The following CLSTN2 variants were observed in gnomAD, a reference collection of about 807,000 sequenced individuals.
CLSTN2 encodes calsyntenin-2.
Under a neutral mutation model 101.2 loss-of-function variants are expected in CLSTN2, and 48 were observed. The ratio of observed to expected loss-of-function variants is 0.47; its 90% CI spans 0.38 to 0.60. The LOEUF is 0.60. Ranked by LOEUF, CLSTN2 falls within the 20% of genes least tolerant of loss-of-function variation. CLSTN2 has a pLI of 0.00. For missense variants in CLSTN2, 1,160 were observed against 1,238.2 expected, an observed-to-expected ratio of 0.94 and a Z score of 0.95; for synonymous variants, 481 against 463.6, an observed-to-expected ratio of 1.04 and a Z score of -0.48.
At chr3:140,055,280 T>C (rs2008077432) in intron 1 of CLSTN2, among the ~76,000 whole-genome samples, 2 of 152,320 alleles carry the variant, frequency 1.3e-5, no homozygotes, top group Admixed American at 1.3e-4. Flanking sequence ...GGCCTGCCTC[T>C]CCCTTGAGGA....
In CLSTN2 at chr3:140,407,826, T is replaced by G. The variant is rs909010104; in HGVS notation, c.637+3060T>G. On this transcript the variant is annotated intron_variant, in intron 4 of 16. Coordinates refer to ENST00000458420, the MANE Select transcript of CLSTN2 (RefSeq NM_022131.3). ...TAGCCTAATAACACTGTCACAGTGG[T>G]GATAGAGCTAGGACTCAACCCAGGT... 2.6e-5 allele frequency among the ~76,000 whole-genome samples: 4 copies of G among 152,300 alleles called. No individual in the cohort carries two copies. The South Asian group carries it at 8.3e-4, about 32-fold the overall frequency.
chr3:140,390,048 G>T (rs898396032), intron 2 of CLSTN2, among the ~76,000 whole-genome samples: 1 of 149,920 alleles, frequency 6.7e-6, no homozygotes, highest in Admixed American at 6.7e-5. Context: ...ATTCACCAAT[G>T]AAGCCATCTG....
chr3:140,227,697 G>A (rs1319882467), intron 2 of CLSTN2, among the ~76,000 whole-genome samples: 2 of 152,224 alleles, frequency 1.3e-5, no homozygotes, highest in Non-Finnish European at 2.9e-5. Flanking sequence ...TGGGCATCCA[G>A]GTGTTTCCAT....
chr3:140,059,606 C>T (rs947974168), intron 1 of CLSTN2, among the ~76,000 whole-genome samples: 2 of 152,126 alleles, frequency 1.3e-5, no homozygotes, highest in Non-Finnish European at 2.9e-5. Flanking sequence ...GTGGCCCCCT[C>T]TGAGGATGGC....
At chr3:140,476,673 TTC>T (rs554029548) in intron 8 of CLSTN2, among the ~76,000 whole-genome samples, 21,837 of 135,422 alleles carry the variant, frequency 0.16, 1,901 homozygotes, top group East Asian at 0.39. Flanking sequence ...TTTTTTTTTT[TTC>T]CTGATATGGA....
At chr3:140,335,265 G>T (rs970434909) in intron 2 of CLSTN2, among the ~76,000 whole-genome samples, 1 of 152,224 alleles carries the variant, frequency 6.6e-6, no homozygotes, top group African/African-American at 2.4e-5. Flanking sequence ...CCATTTGGTG[G>T]CAGGAAGTGG....
At chr3:140,259,198 T>C (rs891119731) in intron 2 of CLSTN2, among the ~76,000 whole-genome samples, 5 of 149,162 alleles carry the variant, frequency 3.4e-5, no homozygotes, top group African/African-American at 9.9e-5. Flanking sequence ...ACGGGCTGGG[T>C]GCGGTGGCTC....
chr3:140,303,516 T>C (rs1431893427), intron 2 of CLSTN2, among the ~76,000 whole-genome samples: 1 of 152,134 alleles, frequency 6.6e-6, no homozygotes, highest in Non-Finnish European at 1.5e-5. Flanking sequence ...CAGTTTTTTT[T>C]CCAAGCATAA....
chr3:140,140,773 T>G (rs762937601), intron 1 of CLSTN2, among the ~76,000 whole-genome samples: 1 of 152,212 alleles, frequency 6.6e-6, no homozygotes, highest in East Asian at 1.9e-4. Flanking sequence ...AAAGTCAGGA[T>G]TGAACTCAGG....
At chr3:140,304,442 A>G (rs1317414957) in intron 2 of CLSTN2, among the ~76,000 whole-genome samples, 2 of 152,162 alleles carry the variant, frequency 1.3e-5, no homozygotes, top group Non-Finnish European at 2.9e-5. Context: ...TGGCTTGCAG[A>G]TGGCCATCTT....
At chr3:140,272,410 A>G (rs909855182) in intron 2 of CLSTN2, among the ~76,000 whole-genome samples, 1 of 152,212 alleles carries the variant, frequency 6.6e-6, no homozygotes, top group African/African-American at 2.4e-5. Context: ...ATTATATAGG[A>G]AAGAGTGTGC....
chr3:140,139,434 T>C (rs1468322792), intron 1 of CLSTN2, among the ~76,000 whole-genome samples: 1 of 152,182 alleles, frequency 6.6e-6, no homozygotes, highest in Non-Finnish European at 1.5e-5. Context: ...GTCCACCGCA[T>C]TGCAGGTGAA....
At chr3:140,202,767 G>C (rs2010733061) in intron 2 of CLSTN2, among the ~76,000 whole-genome samples, 1 of 152,194 alleles carries the variant, frequency 6.6e-6, no homozygotes, top group South Asian at 2.1e-4. Context: ...AGAGAGTCAA[G>C]TGTCCAGAAG....
chr3:140,240,982 G>T (rs981197435), intron 2 of CLSTN2, among the ~76,000 whole-genome samples: 1 of 152,164 alleles, frequency 6.6e-6, no homozygotes, highest in Non-Finnish European at 1.5e-5. Flanking sequence ...AATGTACCAG[G>T]ATCTCAGGAG....
At chr3:140,240,174 C>CTATATATATATATATATA (rs1226140178) in intron 2 of CLSTN2, among the ~76,000 whole-genome samples, 2 of 13,358 alleles carry the variant, frequency 1.5e-4, no homozygotes, top group Non-Finnish European at 3.5e-4. Flanking sequence ...CTCTCTCTCT[C>CTATATATATATATATATA]TATATATATA....
At chr3:139,961,013 T>A (rs1935498441) in intron 1 of CLSTN2, among the ~76,000 whole-genome samples, 1 of 152,104 alleles carries the variant, frequency 6.6e-6, no homozygotes, top group African/African-American at 2.4e-5. Flanking sequence ...TAGAAATCAC[T>A]CACAAAAATT....
chr3:140,001,072 T>C (rs1315578517), intron 1 of CLSTN2, among the ~76,000 whole-genome samples: 1 of 152,188 alleles, frequency 6.6e-6, no homozygotes, highest in Admixed American at 6.5e-5. Context: ...TTTGTTCCCA[T>C]ATTGTACATG....
intron 12 of CLSTN2, among the ~76,000 whole-genome samples, chr3:140,560,789 G>A (rs527253796): frequency 6.6e-5 from 10 of 152,096 alleles, no homozygotes; most frequent in Non-Finnish European, 1.3e-4. Flanking sequence ...GAACAAGGAC[G>A]ATATGACCAG....
chr3:139,943,343 C>A lies in CLSTN2; in HGVS notation c.109+7860C>A, dbSNP rs188706408. Among the ~76,000 whole-genome samples, 78 of 152,284 alleles carry A rather than the reference C, an allele frequency of 5.1e-4. No individual in the cohort carries two copies. In the East Asian group the frequency reaches 0.014, roughly 28 times the overall value. ...AGCACTAAATTCTAATTTTGACCCC[C>A]TCTCCAACCCTCCCATTATGCTGCT... On this transcript the variant is annotated intron_variant, in intron 1 of 16. Transcript: ENST00000458420.
Sources: allele counts gnomAD v4.1 joint callset (sites outside exome capture counted in the v4.1 genomes callset), GRCh38; gene constraint gnomAD v4.1.1; transcripts MANE v1.5; gene names NCBI Gene and HGNC (gene_info 2026-07-23, HGNC 2026-07-21).